Variants in PCTP observed in about 807,000 individuals in gnomAD.
PCTP encodes the protein phosphatidylcholine transfer protein, also known as START domain-containing protein 2.
PCTP carries 27 observed loss-of-function variants against 31.0 expected under a neutral mutation model. That is an observed-to-expected ratio of 0.87 (90% CI 0.64 to 1.20). PCTP has a LOEUF of 1.20. Among genes scored for constraint, PCTP ranks in the 50% most tolerant of loss-of-function variants. PCTP has a pLI of 0.00. For synonymous variants in PCTP, 108 were observed against 101.2 expected, an observed-to-expected ratio of 1.07 and a Z score of -0.40; for missense variants, 287 against 268.2, an observed-to-expected ratio of 1.07 and a Z score of -0.49.
At chr17:55,792,162 G>C (rs1268994862) in intron 3 of PCTP, among the ~76,000 whole-genome samples, 17 of 118,060 alleles carry the variant, frequency 1.4e-4, no homozygotes, top group African/African-American at 4.5e-4. Context: ...GTTGTGGGGT[G>C]GGGGGAGGGG....
At position 55,776,406 on chromosome 17, in the gene PCTP, C is replaced by A. The variant is rs1032428514; in HGVS notation, c.*306C>A. The A allele has an allele frequency of 3.2e-6, 4 of 1,251,758 alleles. No homozygotes were observed. In the African/African-American group the frequency reaches 6.2e-5, roughly 19 times the overall value. 77.5% of individuals were successfully genotyped at this position (1,251,758 alleles called of 1,614,324 possible). A position where few individuals can be genotyped will look rare whatever the true frequency, so the allele number is the denominator to read the frequency against. On this transcript the variant is annotated 3_prime_UTR_variant, in exon 6 of 6. Transcript: ENST00000268896. The stretch of plus-strand genomic sequence containing the variant: ...GACTAGGGAAACCTTTGCTTGCTTA[C>A]TATTAGGAGGGGAAGTCTTCAGTAG...
At chr17:55,763,678 T>A (rs1910468952) in intron 1 of PCTP, among the ~76,000 whole-genome samples, 1 of 152,224 alleles carries the variant, frequency 6.6e-6, no homozygotes, top group East Asian at 1.9e-4. Flanking sequence ...AGGAAATATG[T>A]CAAATATTAT....
At chr17:55,762,175 GGGACT>G (rs1446132637) in intron 1 of PCTP, among the ~76,000 whole-genome samples, 1 of 152,194 alleles carries the variant, frequency 6.6e-6, no homozygotes, top group Non-Finnish European at 1.5e-5. Flanking sequence ...GTTTTCAGGA[GGGACT>G]GTATGCTGGC....
chr17:55,792,828 A>G (rs1912049719), intron 3 of PCTP, among the ~76,000 whole-genome samples: 1 of 152,132 alleles, frequency 6.6e-6, no homozygotes, highest in East Asian at 1.9e-4. Flanking sequence ...AGCTTTATGT[A>G]TGGATCTGGA....
intron 1 of PCTP, 137 bp downstream of exon 1, chr17:55,751,381 C>G (rs1909701264): frequency 1.3e-6 from 2 of 1,532,178 alleles, no homozygotes; most frequent in Non-Finnish European, 8.7e-7. Flanking sequence ...CCGCCCGGAC[C>G]CTGTCTCAAG....
chr17:55,765,899 C>A (rs1910620416), intron 1 of PCTP, among the ~76,000 whole-genome samples: 1 of 152,202 alleles, frequency 6.6e-6, no homozygotes, highest in Non-Finnish European at 1.5e-5. Flanking sequence ...GCCCACCAAT[C>A]TGAGGACCTT....
chr17:55,784,859 A>G (rs1911692648), intron 2 of PCTP, among the ~76,000 whole-genome samples: 1 of 152,188 alleles, frequency 6.6e-6, no homozygotes, highest in Non-Finnish European at 1.5e-5. Flanking sequence ...TTCAAGCTCC[A>G]CTTCCTCCTT....
chr17:55,817,259 TATTGTC>T (rs1912951558), intron 3 of PCTP, among the ~76,000 whole-genome samples: 2 of 152,148 alleles, frequency 1.3e-5, no homozygotes, highest in South Asian at 4.1e-4. Flanking sequence ...GGTTGTTGGG[TATTGTC>T]ATCCTGGACC....
At chr17:55,804,837 T>C (rs1207674067) in intron 3 of PCTP, among the ~76,000 whole-genome samples, 1 of 152,122 alleles carries the variant, frequency 6.6e-6, no homozygotes, top group Non-Finnish European at 1.5e-5. Context: ...GTTCTGCCCA[T>C]GTATCCCAGA....
chr17:55,755,805 T>G (rs1031567878), intron 1 of PCTP, among the ~76,000 whole-genome samples: 1 of 152,232 alleles, frequency 6.6e-6, no homozygotes, highest in African/African-American at 2.4e-5. Context: ...CATATAAGTT[T>G]TCACTTATCC....
chr17:55,843,481 G>A (rs901468318), downstream of PCTP, among the ~76,000 whole-genome samples: 7 of 152,132 alleles, frequency 4.6e-5, no homozygotes. Context: ...GCAGTTCCAC[G>A]AATAAACCGT....
intron 3 of PCTP, among the ~76,000 whole-genome samples, chr17:55,772,599 C>T (rs1362149788): frequency 1.4e-5 from 2 of 147,090 alleles, no homozygotes; most frequent in Non-Finnish European, 3.0e-5. Context: ...AAAAAAAAGA[C>T]ACTGAGGTGG....
At chr17:55,800,926 C>T (rs1050136047) in intron 3 of PCTP, among the ~76,000 whole-genome samples, 3 of 152,072 alleles carry the variant, frequency 2.0e-5, no homozygotes, top group Admixed American at 2.0e-4. Flanking sequence ...CCACTCCAGA[C>T]CCTGTTTGCC....
In PCTP at chr17:55,835,394, C is replaced by T. The variant is rs941590663; in HGVS notation, n.506-7333C>T. 1.6e-4 allele frequency among the ~76,000 whole-genome samples: 24 copies of T among 152,280 alleles called. 1 individual carries two copies. The highest frequency in any genetic ancestry group is 6.5e-4 in the Admixed American group (10 of 15,284). On this transcript the variant is annotated intron_variant and non_coding_transcript_variant, in intron 5 of 5. Transcript: ENST00000576221. Reference sequence around the variant, plus strand: ...GTCCCACTTTTCCTAGCTTGGTTCACGACAACCATTCACCTTTGGCTTAAA... The same window carrying T: ...GTCCCACTTTTCCTAGCTTGGTTCATGACAACCATTCACCTTTGGCTTAAA...
At chr17:55,799,402 T>C (rs1912297885) in intron 3 of PCTP, among the ~76,000 whole-genome samples, 1 of 151,650 alleles carries the variant, frequency 6.6e-6, no homozygotes, top group Non-Finnish European at 1.5e-5. Flanking sequence ...TTTCTTTTTT[T>C]TTTTTTCGCT....
intron 3 of PCTP, among the ~76,000 whole-genome samples, chr17:55,796,560 A>G (rs961129844): frequency 5.3e-5 from 8 of 152,018 alleles, no homozygotes; most frequent in Non-Finnish European, 1.2e-4. Flanking sequence ...ATAGCTAAGC[A>G]TTTGCCATCC....
intron 1 of PCTP, among the ~76,000 whole-genome samples, chr17:55,755,448 G>T (rs993004503): frequency 6.6e-6 from 1 of 152,246 alleles, no homozygotes; most frequent in African/African-American, 2.4e-5. Flanking sequence ...ACTGAAAGAA[G>T]AGTAGAGGCT....
chr17:55,803,757 C>A (rs12944543), intron 3 of PCTP, among the ~76,000 whole-genome samples: 1 of 152,028 alleles, frequency 6.6e-6, no homozygotes, highest in African/African-American at 2.4e-5. Flanking sequence ...CATAAAAACC[C>A]TGGAAGAATA....
intron 2 of PCTP, chr17:55,770,756 C>T (rs375108405): frequency 5.8e-6 from 1 of 173,476 alleles, no homozygotes; most frequent in Non-Finnish European, 1.2e-5. Flanking sequence ...ATTCTGTCAC[C>T]CAGGCTGGAG....
Sources: gnomAD v4.1 joint callset for allele counts (sites outside exome capture counted in the v4.1 genomes callset) on GRCh38, gnomAD v4.1.1 for gene constraint, MANE v1.5 for transcripts, NCBI Gene and HGNC (gene_info 2026-07-23, HGNC 2026-07-21) for gene names.